The following JAKMIP1 variants were observed in gnomAD, a reference collection of about 807,000 sequenced individuals.
JAKMIP1 encodes janus kinase and microtubule-interacting protein 1.
In JAKMIP1, 33 loss-of-function variants were observed where a neutral mutation model predicts 113.0. That is an observed-to-expected ratio of 0.29 (90% confidence interval 0.22 to 0.39). The LOEUF is 0.39. JAKMIP1 is among the 10% of genes least tolerant of loss of function. JAKMIP1 has a pLI of 1.00. For missense variants in JAKMIP1, 813 were observed against 1,080.5 expected, an observed-to-expected ratio of 0.75 and a Z score of 3.47; for synonymous variants, 480 against 459.9, an observed-to-expected ratio of 1.04 and a Z score of -0.56.
At position 6,180,975 on chromosome 4, in the gene JAKMIP1, C is replaced by A. The variant is rs1443695546; in HGVS notation, c.-148+19278G>T. On this transcript the variant is annotated intron_variant, in intron 1 of 20. Transcript: ENST00000409021. The surrounding 1 kb of genome is among the most constrained non-coding windows in gnomAD (Gnocchi z 4.5). ...CCCCTTAAGAAGTCCCAGAAAAGGC[C>A]CCAGCCATCAGGTCGTTTCTGTCTC... 6.6e-6 allele frequency among the ~76,000 whole-genome samples: 1 copy of A among 152,030 alleles called. No individual in the cohort carries two copies. Among genetic ancestry groups the A allele is most frequent in the South Asian group, 2.1e-4 (1 of 4,802 alleles).
Position 6,157,733 on chromosome 4 carries a change from G to A in JAKMIP1, c.-148+42520C>T, listed in dbSNP as rs1722423253. 6.6e-6 allele frequency among the ~76,000 whole-genome samples: 1 copy of A among 152,176 alleles called. No homozygotes were observed. The highest frequency in any genetic ancestry group is 1.9e-4 in the East Asian group (1 of 5,196). ...TCTGTGGTTTCACATTCACTGAGCA[G>A]GTTAGATATGCCTCTCCGTAAACAC... On this transcript the variant is annotated intron_variant, in intron 1 of 20. Transcript: ENST00000409021. The surrounding 1 kb of genome is among the most constrained non-coding windows in gnomAD (Gnocchi z 4.7).
intron 12 of JAKMIP1, chr4:6,054,739 A>T (rs2108773014): frequency 8.8e-6 from 4 of 456,730 alleles, no homozygotes; most frequent in South Asian, 6.2e-5. Context: ...CCACTACTCC[A>T]GCCCTCACCT....
At position 6,140,502 on chromosome 4, in the gene JAKMIP1, A is replaced by G. The variant is rs763054428; in HGVS notation, c.-147-27505T>C. ...GATTCGTGGTCCCCCCGATCAGCTT[A>G]AGGCCCCTTCCAATAATGTGGCTCG... On this transcript the variant is annotated intron_variant, in intron 1 of 20. Coordinates refer to ENST00000409021, the MANE Select transcript of JAKMIP1 (RefSeq NM_001099433.2). This position sits in a 1 kb window ranked among gnomAD's most constrained non-coding sequence, Gnocchi z 9.4. Among the ~76,000 whole-genome samples, 26 of 152,010 alleles carry G rather than the reference A, an allele frequency of 1.7e-4. No homozygotes were observed. The highest frequency in any genetic ancestry group is 3.5e-4 in the Non-Finnish European group (24 of 68,028).
rs1413069388 is a variant in JAKMIP1, at chr4:6,064,456, C to T, written c.1431+424G>A. 6.6e-6 allele frequency among the ~76,000 whole-genome samples: 1 copy of T among 152,184 alleles called. No individual in the cohort carries two copies. Among genetic ancestry groups the T allele is most frequent in the Non-Finnish European group, 1.5e-5 (1 of 68,042 alleles). On this transcript the variant is annotated intron_variant, in intron 9 of 20. Transcript: ENST00000409021. This position sits in a 1 kb window ranked among gnomAD's most constrained non-coding sequence, Gnocchi z 4.3. ...TATATTTTTGGATTACATGCTTTAT[C>T]TTAGTCAAGAAAGCAATGATGCTGT... is the stretch of plus-strand genomic sequence containing the variant.
Position 6,064,780 on chromosome 4 carries a change from A to G in JAKMIP1, c.1431+100T>C, listed in dbSNP as rs945463285. On this transcript the variant is annotated intron_variant, in intron 9 of 20. Coordinates refer to ENST00000409021, the MANE Select transcript of JAKMIP1 (RefSeq NM_001099433.2). This position sits in a 1 kb window ranked among gnomAD's most constrained non-coding sequence, Gnocchi z 4.3. ...AGGAACTGGTCATCTGGGGTTCAGA[A>G]CTATAGGCAAGGGAGCGAAACTTGC... The G allele has an allele frequency of 6.7e-7, 1 of 1,502,802 alleles. No individual in the cohort carries two copies. Among genetic ancestry groups the G allele is most frequent in the Non-Finnish European group, 9.1e-7 (1 of 1,093,412 alleles). 93.1% of individuals were successfully genotyped at this position (1,502,802 alleles called of 1,614,324 possible).
chr4:6,128,085 C>T (rs1717980252), intron 1 of JAKMIP1, among the ~76,000 whole-genome samples: 1 of 152,208 alleles, frequency 6.6e-6, no homozygotes, highest in Admixed American at 6.5e-5. Context: ...CCAGGATTAC[C>T]ACCACCTCCA....
At chr4:6,182,909 T>C (rs1040123939) in intron 1 of JAKMIP1, among the ~76,000 whole-genome samples, 3 of 152,126 alleles carry the variant, frequency 2.0e-5, no homozygotes, top group African/African-American at 4.8e-5. Context: ...TGGAGATGCC[T>C]AGGAAGGCAC....
At chr4:6,057,201 G>C (rs1279406702) in intron 11 of JAKMIP1, among the ~76,000 whole-genome samples, 1 of 152,198 alleles carries the variant, frequency 6.6e-6, no homozygotes, top group African/African-American at 2.4e-5. Flanking sequence ...TAAGTCCTGT[G>C]AGCACACGGC....
intron 8 of JAKMIP1, among the ~76,000 whole-genome samples, chr4:6,077,638 ACATC>A (rs1265491603): frequency 6.6e-6 from 1 of 151,658 alleles, no homozygotes; most frequent in Admixed American, 6.6e-5. Context: ...AGGTGCCACC[ACATC>A]CAGCTAATTT....
Position 6,065,130 on chromosome 4 carries a change from A to G in JAKMIP1, c.1303-122T>C. The G allele has an allele frequency of 8.2e-7, 1 of 1,224,990 alleles. No individual in the cohort carries two copies. The allele number at this position is 1,224,990 out of a possible 1,614,324, so 75.9% of individuals were successfully genotyped here. ...TTGACATTTGGGCCACTGGGGCATC[A>G]CAAGATGCGGTTGGTGGGCTTCGTA... On this transcript the variant is annotated intron_variant, in intron 8 of 20. Coordinates refer to ENST00000409021, the MANE Select transcript of JAKMIP1 (RefSeq NM_001099433.2). This position sits in a 1 kb window ranked among gnomAD's most constrained non-coding sequence, Gnocchi z 5.1.
chr4:6,166,721 G>A (rs1436578823), intron 1 of JAKMIP1, among the ~76,000 whole-genome samples: 1 of 152,244 alleles, frequency 6.6e-6, no homozygotes, highest in African/African-American at 2.4e-5. Context: ...ATCTACAGAT[G>A]GGAAAACGAC....
At chr4:6,171,183 CCATCACCAT>C (rs1250926166) in intron 1 of JAKMIP1, among the ~76,000 whole-genome samples, 1 of 145,100 alleles carries the variant, frequency 6.9e-6, no homozygotes, top group African/African-American at 2.7e-5. Context: ...ATTACCACCA[CCATCACCAT>C]CATCACCACC....
rs1256164562 is a variant in JAKMIP1, at chr4:6,062,374, G to A, written c.1498C>T (p.Arg500Cys). ...QLTREYQALQ[R>C]AYALLQEQVG... The stretch of plus-strand genomic sequence containing the variant: ...TGCTCCTGGAGCAGGGCGTAGGCGC[G>A]TTGCAGGGCCTGGTACTCCCGGGTC... The change falls in exon 10 of 21, where the codon CGC (arginine) becomes TGC (cysteine). Residue 500 changes from arginine (R) to cysteine (C), a missense_variant. Physicochemically the swap from Arg to Cys is radical, Grantham distance 180. This residue lies in a region of JAKMIP1 where 273 missense variants were observed against 426.6 expected (regional missense o/e 0.64). Transcript: ENST00000409021. The A allele has an allele frequency of 1.2e-6, 2 of 1,613,730 alleles. No individual in the cohort carries two copies. The highest frequency in any genetic ancestry group is 8.5e-7 in the Non-Finnish European group (1 of 1,179,958).
intron 1 of JAKMIP1, among the ~76,000 whole-genome samples, chr4:6,114,513 C>T (rs1283996832): frequency 2.0e-5 from 3 of 152,136 alleles, no homozygotes; most frequent in Non-Finnish European, 4.4e-5. Context: ...TGCTCGGTGG[C>T]CATGAACTGA....
At chr4:6,144,790 C>T (rs1040367000) in intron 1 of JAKMIP1, among the ~76,000 whole-genome samples, 2 of 152,178 alleles carry the variant, frequency 1.3e-5, no homozygotes, top group African/African-American at 2.4e-5. Context: ...AATGGTGAAA[C>T]ATTAACGCTT....
chr4:6,062,271 C>G lies in JAKMIP1; in HGVS notation c.1560+41G>C, dbSNP rs1410237376. On this transcript the variant is annotated intron_variant, in intron 10 of 20. Transcript: ENST00000409021. ...CTGGAAAGGACCTACATGACCTGGC[C>G]TTCGGCCCCTCCCTCGAGCCCTGAG... The G allele has an allele frequency of 1.9e-6, 3 of 1,609,854 alleles. No homozygotes were observed. The Admixed American group carries it at 5.0e-5, about 27-fold the overall frequency.
Position 6,130,913 on chromosome 4 carries a change from C to T in JAKMIP1, c.-147-17916G>A, listed in dbSNP as rs1420661727. On this transcript the variant is annotated intron_variant, in intron 1 of 20. Coordinates refer to ENST00000409021, the MANE Select transcript of JAKMIP1 (RefSeq NM_001099433.2). Reference sequence around the variant, plus strand: ...GGACAGTCAGGCGCGATGGTTCAAACCTATAACCCCAGCACTTTGGGAGGC... The same window carrying T: ...GGACAGTCAGGCGCGATGGTTCAAATCTATAACCCCAGCACTTTGGGAGGC... Among the ~76,000 whole-genome samples the T allele has an allele frequency of 2.0e-5, 3 of 151,230 alleles. No homozygotes were observed. In the East Asian group the frequency reaches 5.9e-4, roughly 30 times the overall value.
At chr4:6,198,191 A>G (rs990620195) in intron 1 of JAKMIP1, among the ~76,000 whole-genome samples, 3 of 152,396 alleles carry the variant, frequency 2.0e-5, no homozygotes, top group South Asian at 2.1e-4. Flanking sequence ...TTCTGAGAAC[A>G]CAAATGAGAG....
intron 20 of JAKMIP1, among the ~76,000 whole-genome samples, chr4:6,027,997 T>A (rs1712084383): frequency 6.6e-6 from 1 of 152,180 alleles, no homozygotes; most frequent in Admixed American, 6.5e-5. Context: ...CGAACTTTCA[T>A]ATCCCCAACC....
Sources: allele counts gnomAD v4.1 joint callset (sites outside exome capture counted in the v4.1 genomes callset), GRCh38; gene constraint gnomAD v4.1.1; regional missense constraint gnomAD v4.1.1; non-coding constraint Gnocchi (gnomAD v3.1); transcripts MANE v1.5; gene names NCBI Gene and HGNC (gene_info 2026-07-23, HGNC 2026-07-21).